The following BRIP1 variants were observed in gnomAD, a reference collection of about 807,000 sequenced individuals.
The protein encoded by BRIP1 is Fanconi anemia group J protein.
A neutral mutation model predicts 119.7 loss-of-function variants in BRIP1; 88 were observed. The ratio of observed to expected loss-of-function variants is 0.74; its 90% CI spans 0.62 to 0.88. The LOEUF (loss-of-function observed/expected upper bound fraction) is 0.88, where lower values mean the gene tolerates loss of function less well. Ranked by LOEUF, BRIP1 falls within the 40% of genes least tolerant of loss-of-function variation. The pLI, the probability that BRIP1 is intolerant of heterozygous loss-of-function variation, is 0.00. For missense variants in BRIP1, 1,259 were observed against 1,455.4 expected, an observed-to-expected ratio of 0.87 and a Z score of 2.20; for synonymous variants, 443 against 496.5, an observed-to-expected ratio of 0.89 and a Z score of 1.43.
rs139800709 is a variant in BRIP1 at position 61,825,756 on chromosome 17, T to C, written c.628-16999A>G. ...CTGCTTGAAGAAATCAGAGATTTCT[T>C]ACAAACAAATGAAAAAACCTTCCAT... On this transcript the variant is annotated intron_variant, in intron 6 of 19. Transcript: ENST00000259008. This position sits in a 1 kb window ranked among gnomAD's most constrained non-coding sequence, Gnocchi z 4.1. Among the ~76,000 whole-genome samples, 920 of 152,082 alleles carry C rather than the reference T, an allele frequency of 6.0e-3. 8 individuals carry two copies. Among genetic ancestry groups the C allele is most frequent in the African/African-American group, 0.021 (878 of 41,520 alleles).
Position 61,862,321 on chromosome 17 carries a change from C to T in BRIP1, c.-30-752G>A, listed in dbSNP as rs550715267. On this transcript the variant is annotated intron_variant, in intron 1 of 19. Transcript: ENST00000259008. The surrounding 1 kb of genome is among the most constrained non-coding windows in gnomAD (Gnocchi z 5.3). The stretch of plus-strand genomic sequence containing the variant: ...TAGAGTATTATAGAAACAGGATGGG[C>T]TTTGGAGTAAGGCAATCCTAAGTTT... Among the ~76,000 whole-genome samples the T allele has an allele frequency of 3.9e-5, 6 of 152,276 alleles. No individual in the cohort carries two copies. In the East Asian group the frequency reaches 9.6e-4, roughly 24 times the overall value.
In BRIP1 at chr17:61,815,114, GA is replaced by G. The variant is rs11300875; in HGVS notation, c.628-6358del. ...TACCTGAAAAATGCTAGAAGTGCTG[GA>G]AAAAAAAAAAAAAACCCACAGTAAA... On this transcript the variant is annotated intron_variant, in intron 6 of 19. Transcript: ENST00000259008. The surrounding 1 kb of genome is among the most constrained non-coding windows in gnomAD (Gnocchi z 4.1). Among the ~76,000 whole-genome samples, 110,781 of 141,766 alleles carry G rather than the reference GA, an allele frequency of 0.78. 43,439 individuals are homozygous for G. The highest frequency in any genetic ancestry group is 0.87 in the African/African-American group (33,672 of 38,858). The allele number at this position is 141,766 out of a possible 152,430, so 93.0% of individuals were successfully genotyped here.
chr17:61,762,530 G>A lies in BRIP1; in HGVS notation c.2097+13871C>T, dbSNP rs1046874850. 6.6e-6 allele frequency among the ~76,000 whole-genome samples: 1 copy of A among 151,982 alleles called. No homozygotes were observed. Among genetic ancestry groups the A allele is most frequent in the Non-Finnish European group, 1.5e-5 (1 of 67,972 alleles). ...AGAAACTCAAACAACTCATTAGCAA[G>A]AACACAAATAACTCAATTTAAAAAT... is the stretch of plus-strand genomic sequence containing the variant. On this transcript the variant is annotated intron_variant, in intron 14 of 19. Coordinates refer to ENST00000259008, the MANE Select transcript of BRIP1 (RefSeq NM_032043.3). This position sits in a 1 kb window ranked among gnomAD's most constrained non-coding sequence, Gnocchi z 4.3.
Position 61,776,474 on chromosome 17 carries a change from T to G in BRIP1, c.2024A>C (p.Glu675Ala), listed in dbSNP as rs1555601081. 1.9e-6 allele frequency: 3 copies of G among 1,614,174 alleles called. No homozygotes were observed. In the East Asian group the frequency reaches 6.7e-5, roughly 36 times the overall value. ...CACAGATAACAAAAGTGCTCCCACT[T>G]CATCTTGGAACTCAAATGTTTCAGT... Reference protein sequence around the residue: ...QNTETFEFQDEVGALLLSVCQ... With the variant: ...QNTETFEFQDAVGALLLSVCQ... The change falls in exon 14 of 20, where the codon GAA becomes GCA. Residue 675 changes from glutamate (E) to alanine (A), a missense_variant. Physicochemically the swap from Glu to Ala is moderately radical, Grantham distance 107 (BLOSUM62 -1). Transcript: ENST00000259008. This position sits in a 1 kb window ranked among gnomAD's most constrained non-coding sequence, Gnocchi z 5.0.
In BRIP1 at chr17:61,809,046, C is replaced by T. The variant is rs541091783; in HGVS notation, c.628-289G>A. Among the ~76,000 whole-genome samples the T allele has an allele frequency of 2.6e-5, 4 of 152,242 alleles. No homozygotes were observed. The highest frequency in any genetic ancestry group is 9.6e-5 in the African/African-American group (4 of 41,560). On this transcript the variant is annotated intron_variant, in intron 6 of 19. Transcript: ENST00000259008. This position sits in a 1 kb window ranked among gnomAD's most constrained non-coding sequence, Gnocchi z 5.2. ...ATGTTTTGAGTACATTTTAACTCTC[C>T]TCTTTCATAAATTATAAAAATGATA...
At position 61,769,690 on chromosome 17, in the gene BRIP1, A is replaced by G. The variant is rs372446325; in HGVS notation, c.2097+6711T>C. On this transcript the variant is annotated intron_variant, in intron 14 of 19. Coordinates refer to ENST00000259008, the MANE Select transcript of BRIP1 (RefSeq NM_032043.3). The surrounding 1 kb of genome is among the most constrained non-coding windows in gnomAD (Gnocchi z 4.9). ...AAGTTAAACAAACTAAAAATCAATT[A>G]CTTTTCTGGGATCCATCTGAGAACT... is the stretch of plus-strand genomic sequence containing the variant. 2.0e-5 allele frequency among the ~76,000 whole-genome samples: 3 copies of G among 152,198 alleles called. No homozygotes were observed. Among genetic ancestry groups the G allele is most frequent in the African/African-American group, 4.8e-5 (2 of 41,460 alleles).
Position 61,689,293 on chromosome 17 carries a change from C to G in BRIP1, c.2576-3128G>C, listed in dbSNP as rs1411288680. ...TCCTGACCTCAAGTGATCCACCTTC[C>G]TCAGCCTCCCAAAGTGCTAAGAATC... On this transcript the variant is annotated intron_variant, in intron 18 of 19. Coordinates refer to ENST00000259008, the MANE Select transcript of BRIP1 (RefSeq NM_032043.3). The surrounding 1 kb of genome is among the most constrained non-coding windows in gnomAD (Gnocchi z 4.5). Among the ~76,000 whole-genome samples, 1 of 152,030 alleles carries G rather than the reference C, an allele frequency of 6.6e-6. No homozygotes were observed. The highest frequency in any genetic ancestry group is 2.1e-4 in the South Asian group (1 of 4,826).
At chr17:61,779,674 G>A (rs919383631) in intron 13 of BRIP1, among the ~76,000 whole-genome samples, 3 of 151,804 alleles carry the variant, frequency 2.0e-5, no homozygotes, top group Admixed American at 6.6e-5. Flanking sequence ...AATATAAATA[G>A]GCTGGGCACA....
At position 61,853,681 on chromosome 17, in the gene BRIP1, T is replaced by C. The variant is rs574313363; in HGVS notation, c.379+3377A>G. On this transcript the variant is annotated intron_variant, in intron 4 of 19. Coordinates refer to ENST00000259008, the MANE Select transcript of BRIP1 (RefSeq NM_032043.3). The surrounding 1 kb of genome is among the most constrained non-coding windows in gnomAD (Gnocchi z 4.3). Reference sequence around the variant, plus strand: ...TCGATATATCCAGGTGCTGAACAACTGGATATCCACATGCAAAAAAATGAA... The same window carrying C: ...TCGATATATCCAGGTGCTGAACAACCGGATATCCACATGCAAAAAAATGAA... Among the ~76,000 whole-genome samples, 1 of 152,286 alleles carries C rather than the reference T, an allele frequency of 6.6e-6. No individual in the cohort carries two copies. Among genetic ancestry groups the C allele is most frequent in the African/African-American group, 2.4e-5 (1 of 41,548 alleles).
In BRIP1 at chr17:61,815,452, T is replaced by G. The variant is rs1163480139; in HGVS notation, c.628-6695A>C. ...AAACAACATTTTCTTTATAACCAAA[T>G]TAGCCAGACATAGTTATTCTGTAAA... On this transcript the variant is annotated intron_variant, in intron 6 of 19. Coordinates refer to ENST00000259008, the MANE Select transcript of BRIP1 (RefSeq NM_032043.3). This position sits in a 1 kb window ranked among gnomAD's most constrained non-coding sequence, Gnocchi z 4.1. Among the ~76,000 whole-genome samples, 4 of 152,184 alleles carry G rather than the reference T, an allele frequency of 2.6e-5. No individual in the cohort carries two copies. The highest frequency in any genetic ancestry group is 9.6e-5 in the African/African-American group (4 of 41,468).
rs1039784706 is a variant in BRIP1, at chr17:61,825,007, C to T, written c.628-16250G>A. Among the ~76,000 whole-genome samples the T allele has an allele frequency of 2.0e-5, 3 of 152,106 alleles. No homozygotes were observed. The highest frequency in any genetic ancestry group is 2.9e-5 in the Non-Finnish European group (2 of 68,024). On this transcript the variant is annotated intron_variant, in intron 6 of 19. Coordinates refer to ENST00000259008, the MANE Select transcript of BRIP1 (RefSeq NM_032043.3). The surrounding 1 kb of genome is among the most constrained non-coding windows in gnomAD (Gnocchi z 4.1). ...CCAGCACAAGAAAAGGAAGCCCGGC[C>T]GGGTGCAGTGGCTCACGCCTGTAAT...
intron 5 of BRIP1, 107 bp downstream of exon 5, chr17:61,849,022 G>A: frequency 1.6e-6 from 2 of 1,221,990 alleles, no homozygotes; most frequent in Non-Finnish European, 2.4e-6. Context: ...ATTTATGGCT[G>A]TCACATGACC....
chr17:61,788,432 A>G (rs1240630643), intron 10 of BRIP1, among the ~76,000 whole-genome samples: 3 of 152,222 alleles, frequency 2.0e-5, no homozygotes, highest in Non-Finnish European at 4.4e-5. Context: ...TGCAATTACA[A>G]TAAAAATTCT....
chr17:61,776,304 C>CT lies in BRIP1; in HGVS notation c.2097+96dup. On this transcript the variant is annotated intron_variant, in intron 14 of 19. Coordinates refer to ENST00000259008, the MANE Select transcript of BRIP1 (RefSeq NM_032043.3). This position sits in a 1 kb window ranked among gnomAD's most constrained non-coding sequence, Gnocchi z 5.0. ...TAGTTATTACCTTGTTGCCTCTACCCTAGGAAGCTTACTGTGGTAATTTTA... is the reference window on the plus strand; with the variant it reads ...TAGTTATTACCTTGTTGCCTCTACCCTTAGGAAGCTTACTGTGGTAATTTTA... 7.2e-7 allele frequency: 1 copy of CT among 1,387,712 alleles called. No individual in the cohort carries two copies. Among genetic ancestry groups the CT allele is most frequent in the South Asian group, 1.2e-5 (1 of 85,120 alleles). The allele number at this position is 1,387,712 out of a possible 1,614,324, so 86.0% of individuals were successfully genotyped here.
At chr17:61,697,362 A>G (rs1463631789) in intron 17 of BRIP1, among the ~76,000 whole-genome samples, 1 of 140,920 alleles carries the variant, frequency 7.1e-6, no homozygotes, top group African/African-American at 2.6e-5. Context: ...AAAAAAAAAA[A>G]AAAAAAAAAG....
At position 61,685,556 on chromosome 17, in the gene BRIP1, T is replaced by A. The variant is rs566281013; in HGVS notation, c.2905+280A>T. 14 of 474,446 alleles carry A rather than the reference T, an allele frequency of 3.0e-5. No individual in the cohort carries two copies. The Admixed American group carries it at 5.4e-4, about 18-fold the overall frequency. 29.4% of individuals were successfully genotyped at this position (474,446 alleles called of 1,614,324 possible). A position where few individuals can be genotyped will look rare whatever the true frequency, so the allele number is the denominator to read the frequency against. On this transcript the variant is annotated intron_variant, in intron 19 of 19. Transcript: ENST00000259008. ...AAGGGATAGCTAGGCAGGCATTTTT[T>A]TTTTCCTATTACGACTCAAAAAGGA...
rs1276625026 is a variant in BRIP1 at position 61,703,354 on chromosome 17, G to A, written c.2493-9842C>T. Among the ~76,000 whole-genome samples the A allele has an allele frequency of 1.3e-5, 2 of 152,226 alleles. No homozygotes were observed. Among genetic ancestry groups the A allele is most frequent in the East Asian group, 1.9e-4 (1 of 5,172 alleles). Reference sequence around the variant, plus strand: ...TGAGATTATAGGCGTGAGCCACCACGCCCAGCCACATTGTGGTTTTGATTT... The same window carrying A: ...TGAGATTATAGGCGTGAGCCACCACACCCAGCCACATTGTGGTTTTGATTT... On this transcript the variant is annotated intron_variant, in intron 17 of 19. Transcript: ENST00000259008. This position sits in a 1 kb window ranked among gnomAD's most constrained non-coding sequence, Gnocchi z 5.0.
rs1475812605 is a variant in BRIP1, at chr17:61,776,613, A to G, written c.1936-51T>C. 2.6e-6 allele frequency: 4 copies of G among 1,558,384 alleles called. 1 individual carries two copies. The South Asian group carries it at 4.5e-5, about 17-fold the overall frequency. ...GAGTTATGCCTGAAAAAGGCATGGA[A>G]ATTAGTATTTATTTGGAAGTATGTA... is the stretch of plus-strand genomic sequence containing the variant. On this transcript the variant is annotated intron_variant, in intron 13 of 19. Transcript: ENST00000259008. This position sits in a 1 kb window ranked among gnomAD's most constrained non-coding sequence, Gnocchi z 5.0.
rs2144852907 is a variant in BRIP1, at chr17:61,761,789, T to G, written c.2097+14612A>C. Among the ~76,000 whole-genome samples, 1 of 152,164 alleles carries G rather than the reference T, an allele frequency of 6.6e-6. No homozygotes were observed. The highest frequency in any genetic ancestry group is 2.4e-5 in the African/African-American group (1 of 41,558). On this transcript the variant is annotated intron_variant, in intron 14 of 19. Coordinates refer to ENST00000259008, the MANE Select transcript of BRIP1 (RefSeq NM_032043.3). This position sits in a 1 kb window ranked among gnomAD's most constrained non-coding sequence, Gnocchi z 6.4. ...GATACAAGTAAATAGCATGATATTC[T>G]TTGCTCATAGACTGGAAGAATATTG...
Sources: gnomAD v4.1 joint callset for allele counts (sites outside exome capture counted in the v4.1 genomes callset) on GRCh38, gnomAD v4.1.1 for gene constraint, Gnocchi (gnomAD v3.1) non-coding constraint, MANE v1.5 for transcripts, NCBI Gene and HGNC (gene_info 2026-07-23, HGNC 2026-07-21) for gene names.